Variants in PEAR1 observed in about 807,000 individuals in gnomAD.
PEAR1 encodes multiple EGF-like domains protein 12.
Under a neutral mutation model 131.2 loss-of-function variants are expected in PEAR1, and 113 were observed. That is an observed-to-expected ratio of 0.86 (90% CI 0.74 to 1.01). The LOEUF (loss-of-function observed/expected upper bound fraction) is 1.01, where lower values mean the gene tolerates loss of function less well. Among genes scored for constraint, PEAR1 ranks in the 50% least tolerant of loss-of-function variants. The probability of loss-of-function intolerance (pLI) is 0.00; values close to 1 mark genes in which losing one functional copy is unlikely to be tolerated. For missense variants in PEAR1, 1,408 were observed against 1,391.1 expected (o/e 1.01, Z -0.19); for synonymous variants, 565 against 523.3 (o/e 1.08, Z -1.09).
intron 21 of PEAR1, 35 bp downstream of exon 21, chr1:156,913,795 G>A: frequency 4.3e-6 from 7 of 1,612,338 alleles, no homozygotes; most frequent in Non-Finnish European, 5.9e-6. Flanking sequence ...AGGTGGCTGA[G>A]CTGGGGCTGA....
chr1:156,906,516 G>C, intron 5 of PEAR1, 121 bp from the exon 6 acceptor site: 1 of 1,543,318 alleles, frequency 6.5e-7, no homozygotes, highest in Non-Finnish European at 8.8e-7. Context: ...GCCTTTTCTG[G>C]AGATGTGGAA....
intron 15 of PEAR1, among the ~76,000 whole-genome samples, chr1:156,911,209 TTTC>T (rs1651144944): frequency 9.1e-6 from 1 of 110,492 alleles, no homozygotes; most frequent in African/African-American, 3.7e-5. Context: ...CTTTTCTTTC[TTTC>T]TTTCTTTCCT....
Position 156,909,828 on chromosome 1 carries a change from G to A in PEAR1, c.1489G>A (p.Ala497Thr), listed in dbSNP as rs761590839. The change falls in exon 12 of 23, where the codon GCC (alanine) becomes ACC (threonine). Residue 497 changes from alanine to threonine, a missense_variant. Transcript: ENST00000292357. The part of the protein sequence containing the change: ...GFSCNASCQC[A>T]HEAVCSPQTG... ...CAGTTGCAATGCCAGCTGCCAGTGT[G>A]CCCATGAGGCAGTCTGCAGCCCCCA... 6.2e-7 allele frequency: 1 copy of A among 1,613,946 alleles called. No homozygotes were observed. The highest frequency in any genetic ancestry group is 1.1e-5 in the South Asian group (1 of 91,074).
At chr1:156,905,456 G>A (rs1203825652) in intron 4 of PEAR1, 32 bp downstream of exon 4, 2 of 1,559,802 alleles carry the variant, frequency 1.3e-6, no homozygotes, top group Non-Finnish European at 1.7e-6. Flanking sequence ...GGAGCGGGGT[G>A]GGGCAATGGA....
In PEAR1 at chr1:156,912,509, C is replaced by T; in HGVS notation, c.2096C>T (p.Thr699Ile). Residue 699 changes from threonine to isoleucine, a missense_variant, in exon 17 of 23, where the codon ACA (threonine) becomes ATA (isoleucine). Thr to Ile is a moderately conservative substitution (Grantham distance 89). Transcript: ENST00000292357. Reference protein sequence around the residue: ...HHCLEGCPLGTFGANCSQPCQ... With the variant: ...HHCLEGCPLGIFGANCSQPCQ... The stretch of plus-strand genomic sequence containing the variant: ...GTCTCCCCAGGCTGCCCTCTGGGGA[C>T]ATTTGGTGCTAACTGCTCCCAGCCA... 6.2e-7 allele frequency: 1 copy of T among 1,613,642 alleles called. No homozygotes were observed. The highest frequency in any genetic ancestry group is 8.5e-7 in the Non-Finnish European group (1 of 1,179,866).
At chr1:156,903,583 C>T (rs940338341) in intron 1 of PEAR1, among the ~76,000 whole-genome samples, 1 of 152,030 alleles carries the variant, frequency 6.6e-6, no homozygotes, top group Non-Finnish European at 1.5e-5. Context: ...ATACTGGGAC[C>T]CCCAGAAGGA....
intron 5 of PEAR1, 112 bp from the exon 6 acceptor site, chr1:156,906,525 A>G (rs1328079745): frequency 9.7e-6 from 15 of 1,549,792 alleles, no homozygotes; most frequent in African/African-American, 1.4e-5. Context: ...GGAGATGTGG[A>G]AGACAGGGTG....
rs953618887 is a variant in PEAR1 at position 156,893,844 on chromosome 1, G to C, written c.-10+7G>C. ...AGACGGGGCCCCAAGGCAGGTGAGT[G>C]ACTGCGCGCCCCCTGGCAGGGGAGG... On this transcript the variant is annotated splice_region_variant and intron_variant, in intron 1 of 22. Transcript: ENST00000292357. 3 of 152,450 alleles carry C rather than the reference G, an allele frequency of 2.0e-5. No individual in the cohort carries two copies. Among genetic ancestry groups the C allele is most frequent in the Non-Finnish European group, 4.4e-5 (3 of 68,226 alleles). The allele number at this position is 152,450 out of a possible 1,614,324, so 9.4% of individuals were successfully genotyped here.
chr1:156,910,607 C>A lies in PEAR1; in HGVS notation c.1826-11C>A, dbSNP rs779188360. On this transcript the variant is annotated splice_polypyrimidine_tract_variant and intron_variant, in intron 14 of 22. Transcript: ENST00000292357. ...CTCTGCCCCCAATCACCATGTACCC[C>A]TTTCCCCCAGCCTGTCAGCCTGGCC... The A allele has an allele frequency of 3.1e-6, 5 of 1,613,470 alleles. No individual in the cohort carries two copies. The African/African-American group carries it at 6.7e-5, about 22-fold the overall frequency.
chr1:156,905,342 G>GTACCGTCAGGTGGTGAAGACGGAC lies in PEAR1; in HGVS notation c.226_249dup (p.Tyr76_Asp83dup). On this transcript the variant is annotated inframe_insertion, in exon 4 of 23. Coordinates refer to ENST00000292357, the MANE Select transcript of PEAR1 (RefSeq NM_001080471.3). ...TCCGCAGGGTTGTATACCGGACCGT[G>GTACCGTCAGGTGGTGAAGACGGAC]TACCGTCAGGTGGTGAAGACGGACC... 6.2e-7 allele frequency: 1 copy of GTACCGTCAGGTGGTGAAGACGGAC among 1,612,142 alleles called. No homozygotes were observed. Among genetic ancestry groups the GTACCGTCAGGTGGTGAAGACGGAC allele is most frequent in the African/African-American group, 1.3e-5 (1 of 75,022 alleles).
intron 5 of PEAR1, 62 bp downstream of exon 5, chr1:156,906,430 G>GT (rs1650309676): frequency 6.3e-7 from 1 of 1,588,790 alleles, no homozygotes; most frequent in Non-Finnish European, 8.6e-7. Flanking sequence ...GGACCCTCAG[G>GT]TACACCCTCC....
chr1:156,894,917 A>G (rs1649013467), intron 1 of PEAR1, among the ~76,000 whole-genome samples: 1 of 152,182 alleles, frequency 6.6e-6, no homozygotes, highest in African/African-American at 2.4e-5. Flanking sequence ...GGGGGAGCTC[A>G]TCTCTGAACC....
In PEAR1 at chr1:156,906,685, G is replaced by C; in HGVS notation, c.449G>C (p.Cys150Ser). 2 of 1,614,206 alleles carry C rather than the reference G, an allele frequency of 1.2e-6. No homozygotes were observed. The highest frequency in any genetic ancestry group is 1.7e-6 in the Non-Finnish European group (2 of 1,180,016). Residue 150 changes from cysteine to serine, a missense_variant, in exon 6 of 23, where the codon TGC becomes TCC. Coordinates refer to ENST00000292357, the MANE Select transcript of PEAR1 (RefSeq NM_001080471.3). ...CCACAGTGTGACAAGCCCTGCAGCT[G>C]CGGCAACAACAGCTCGTGTGATCCC... Reference protein sequence around the residue: ...WGPQCDKPCSCGNNSSCDPKS... With the variant: ...WGPQCDKPCSSGNNSSCDPKS...
At chr1:156,904,988 G>C (rs781063085) in intron 3 of PEAR1, 136 bp downstream of exon 3, 31 of 1,553,576 alleles carry the variant, frequency 2.0e-5, no homozygotes, top group Non-Finnish European at 2.6e-5. Context: ...ATTCTGCATG[G>C]TCTGTGTCGG....
chr1:156,908,325 G>C lies in PEAR1; in HGVS notation c.1100G>C (p.Arg367Pro). 2.6e-6 allele frequency: 4 copies of C among 1,543,166 alleles called. No individual in the cohort carries two copies. Among genetic ancestry groups the C allele is most frequent in the Non-Finnish European group, 3.5e-6 (4 of 1,148,102 alleles). Residue 367 changes from arginine (R) to proline (P), a missense_variant, in exon 9 of 23, where the codon CGG (arginine) becomes CCG (proline). By Grantham distance (103) the Arg-to-Pro change is moderately radical (BLOSUM62 -2). Coordinates refer to ENST00000292357, the MANE Select transcript of PEAR1 (RefSeq NM_001080471.3). The surrounding 1 kb of genome is among the most constrained non-coding windows in gnomAD (Gnocchi z 4.2). ...LSCQAPCTCD[R>P]EHSLSCHPMN... The stretch of plus-strand genomic sequence containing the variant: ...TGCCAGGCCCCCTGCACCTGCGACC[G>C]GGAGCACAGCCTCAGGTGGGCCGCG...
chr1:156,904,471 G>C (rs377147339), intron 2 of PEAR1, among the ~76,000 whole-genome samples: 2 of 152,288 alleles, frequency 1.3e-5, no homozygotes, highest in Non-Finnish European at 1.5e-5. Flanking sequence ...TTTCCATACA[G>C]GGAGGAGAGG....
intron 14 of PEAR1, 62 bp from the exon 15 acceptor site, chr1:156,910,555 TG>T: frequency 6.3e-7 from 1 of 1,590,876 alleles, no homozygotes; most frequent in South Asian, 1.1e-5. Flanking sequence ...AGGGAGACGG[TG>T]GGGTAAGGGC....
In PEAR1 at chr1:156,912,279, G is replaced by T; in HGVS notation, c.1984G>T (p.Ala662Ser). 5.0e-6 allele frequency: 8 copies of T among 1,613,794 alleles called. No homozygotes were observed. Among genetic ancestry groups the T allele is most frequent in the Non-Finnish European group, 6.8e-6 (8 of 1,179,948 alleles). The change falls in exon 16 of 23, where the codon GCC becomes TCC. Residue 662 changes from alanine to serine, a missense_variant. Coordinates refer to ENST00000292357, the MANE Select transcript of PEAR1 (RefSeq NM_001080471.3). ...CPPGHWGENC[A>S]QTCQCHHGGT... Reference sequence around the variant, plus strand: ...TCCAGGACACTGGGGAGAAAACTGTGCCCAGACCTGCCAATGTCACCATGG... The same window carrying T: ...TCCAGGACACTGGGGAGAAAACTGTTCCCAGACCTGCCAATGTCACCATGG...
At chr1:156,899,192 G>A (rs556643508) in intron 1 of PEAR1, among the ~76,000 whole-genome samples, 7 of 152,250 alleles carry the variant, frequency 4.6e-5, no homozygotes, top group African/African-American at 1.7e-4. Flanking sequence ...CTCAAGTTAT[G>A]TATTATAACT....
Sources: gnomAD v4.1 joint callset for allele counts (sites outside exome capture counted in the v4.1 genomes callset) on GRCh38, gnomAD v4.1.1 for gene constraint, Gnocchi (gnomAD v3.1) non-coding constraint, MANE v1.5 for transcripts, NCBI Gene and HGNC (gene_info 2026-07-23, HGNC 2026-07-21) for gene names.